Variants in FSIP1 observed in about 807,000 individuals in gnomAD.
The protein encoded by FSIP1 is fibrous sheath interacting protein 1.
A neutral mutation model predicts 60.9 loss-of-function variants in FSIP1; 65 were observed. The observed-to-expected ratio is 1.07, with a 90% CI of 0.87 to 1.31. The LOEUF (loss-of-function observed/expected upper bound fraction) is 1.31, where lower values mean the gene tolerates loss of function less well. Among genes scored for constraint, FSIP1 ranks in the 40% most tolerant of loss-of-function variants. The probability of loss-of-function intolerance (pLI) is 0.00; values close to 1 mark genes in which losing one functional copy is unlikely to be tolerated. For missense variants in FSIP1, 675 were observed against 665.5 expected (o/e 1.01, Z -0.16); for synonymous variants, 209 against 221.2 (o/e 0.94, Z 0.49).
At chr15:39,645,015 G>A (rs1892534045) in intron 10 of FSIP1, among the ~76,000 whole-genome samples, 2 of 152,118 alleles carry the variant, frequency 1.3e-5, no homozygotes, top group Non-Finnish European at 2.9e-5. Context: ...CATAACAATG[G>A]CCAACAGCTA....
intron 10 of FSIP1, among the ~76,000 whole-genome samples, chr15:39,629,029 C>T (rs1177078577): frequency 6.6e-6 from 1 of 152,208 alleles, no homozygotes; most frequent in African/African-American, 2.4e-5. Context: ...GCAGCAGCAG[C>T]AGCCAGATGG....
intron 10 of FSIP1, among the ~76,000 whole-genome samples, chr15:39,698,893 G>T (rs1198372971): frequency 6.6e-6 from 1 of 152,202 alleles, no homozygotes; most frequent in Non-Finnish European, 1.5e-5. Context: ...CCAATGACCT[G>T]CCTGGCATAA....
At chr15:39,718,271 TACAC>T (rs369054064) in intron 9 of FSIP1, among the ~76,000 whole-genome samples, 19 of 150,868 alleles carry the variant, frequency 1.3e-4, no homozygotes, top group African/African-American at 4.5e-4. Context: ...CACATATATA[TACAC>T]ACACACAAAT....
chr15:39,768,706 C>A (rs148078220), intron 3 of FSIP1, among the ~76,000 whole-genome samples: 2 of 152,252 alleles, frequency 1.3e-5, no homozygotes, highest in East Asian at 3.9e-4. Context: ...AACTTAATAG[C>A]CTATTCAGAT....
At chr15:39,752,624 C>T (rs1042684184) in intron 5 of FSIP1, among the ~76,000 whole-genome samples, 30 of 151,888 alleles carry the variant, frequency 2.0e-4, no homozygotes, top group African/African-American at 7.3e-4. Context: ...CTGACCAGTA[C>T]TCCTCAAAAC....
intron 10 of FSIP1, among the ~76,000 whole-genome samples, chr15:39,680,114 AC>A (rs1295646601): frequency 1.3e-5 from 2 of 152,214 alleles, no homozygotes; most frequent in African/African-American, 4.8e-5. Context: ...GAAATTCTAG[AC>A]CATGGGGAGA....
intron 1 of FSIP1, among the ~76,000 whole-genome samples, chr15:39,777,210 TTTC>T (rs1898093546): frequency 6.6e-6 from 1 of 152,030 alleles, no homozygotes; most frequent in African/African-American, 2.4e-5. Context: ...CCCCTGCTAC[TTTC>T]TTTCGGTTTT....
At chr15:39,697,364 C>A (rs543332494) in intron 10 of FSIP1, among the ~76,000 whole-genome samples, 3 of 152,296 alleles carry the variant, frequency 2.0e-5, no homozygotes, top group African/African-American at 7.2e-5. Context: ...GGGCCTGAAA[C>A]CTCATTCCAT....
chr15:39,768,955 C>T (rs1897783432), intron 3 of FSIP1, among the ~76,000 whole-genome samples: 1 of 152,150 alleles, frequency 6.6e-6, no homozygotes, highest in Non-Finnish European at 1.5e-5. Flanking sequence ...TACACAACGG[C>T]ATCAGTTAAT....
chr15:39,780,331 T>C (rs561779301), intron 1 of FSIP1, among the ~76,000 whole-genome samples: 9 of 152,188 alleles, frequency 5.9e-5, no homozygotes, highest in Middle Eastern at 3.4e-3. Context: ...AAGAACACCC[T>C]GGCTAACACG....
intron 8 of FSIP1, among the ~76,000 whole-genome samples, chr15:39,732,769 G>A (rs1021435071): frequency 2.0e-5 from 3 of 151,248 alleles, no homozygotes; most frequent in Admixed American, 6.6e-5. Flanking sequence ...ATGAGGTTGT[G>A]GGGCACTTCA....
intron 10 of FSIP1, among the ~76,000 whole-genome samples, chr15:39,655,272 AC>A (rs1448537855): frequency 1.3e-5 from 2 of 152,242 alleles, no homozygotes; most frequent in Admixed American, 6.5e-5. Flanking sequence ...ATGTAAACTT[AC>A]AGGGATTTCT....
chr15:39,667,839 G>A (rs1893558728), intron 10 of FSIP1, among the ~76,000 whole-genome samples: 1 of 152,220 alleles, frequency 6.6e-6, no homozygotes, highest in South Asian at 2.1e-4. Flanking sequence ...GGCAAAGCCT[G>A]TCAGAGGAAT....
At chr15:39,667,971 G>A (rs1405461123) in intron 10 of FSIP1, among the ~76,000 whole-genome samples, 1 of 152,134 alleles carries the variant, frequency 6.6e-6, no homozygotes, top group African/African-American at 2.4e-5. Context: ...TTAAAGTCCT[G>A]AGAAGCAGAG....
At chr15:39,616,333 A>G (rs189626617) in intron 11 of FSIP1, among the ~76,000 whole-genome samples, 9 of 152,326 alleles carry the variant, frequency 5.9e-5, no homozygotes, top group African/African-American at 2.2e-4. Flanking sequence ...GGAAAATGTA[A>G]CAATGAATTG....
intron 8 of FSIP1, among the ~76,000 whole-genome samples, chr15:39,735,447 T>C (rs1246279022): frequency 6.6e-6 from 1 of 152,178 alleles, no homozygotes; most frequent in East Asian, 1.9e-4. Context: ...TAAAATATGG[T>C]ATAAAAATCT....
At chr15:39,625,414 T>C (rs1422390656) in intron 10 of FSIP1, among the ~76,000 whole-genome samples, 8 of 152,152 alleles carry the variant, frequency 5.3e-5, no homozygotes, top group Non-Finnish European at 1.0e-4. Context: ...GCCGGGGACA[T>C]AAGCAGAAAA....
At chr15:39,697,930 A>G (rs1566889938) in intron 10 of FSIP1, among the ~76,000 whole-genome samples, 2 of 152,010 alleles carry the variant, frequency 1.3e-5, no homozygotes, top group Non-Finnish European at 2.9e-5. Flanking sequence ...AGACTCTCCT[A>G]GAATCTTACT....
chr15:39,682,927 C>T lies in FSIP1; in HGVS notation c.1188+30517G>A, dbSNP rs533198731. 1.5e-4 allele frequency among the ~76,000 whole-genome samples: 23 copies of T among 152,190 alleles called. No individual in the cohort carries two copies. In the East Asian group the frequency reaches 2.9e-3, roughly 19 times the overall value. On this transcript the variant is annotated intron_variant, in intron 10 of 11. Transcript: ENST00000350221. ...AACTCTCTTGCTATAAATTAAAACA[C>T]AAATGGAAGACGAAGATGCCCAGAG...
Sources: gnomAD v4.1 joint callset for allele counts (sites outside exome capture counted in the v4.1 genomes callset) on GRCh38, gnomAD v4.1.1 for gene constraint, MANE v1.5 for transcripts, NCBI Gene and HGNC (gene_info 2026-07-23, HGNC 2026-07-21) for gene names.